The following PLXNA2 variants were observed in gnomAD, a reference collection of about 807,000 sequenced individuals.
PLXNA2 encodes the protein plexin A2.
In PLXNA2, 91 loss-of-function variants were observed where a neutral mutation model predicts 193.5. The ratio of observed to expected loss-of-function variants is 0.47; its 90% CI spans 0.40 to 0.56. The LOEUF (loss-of-function observed/expected upper bound fraction) is 0.56. Ranked by LOEUF, PLXNA2 falls within the 20% of genes least tolerant of loss-of-function variation. The pLI, the probability that PLXNA2 is intolerant of heterozygous loss-of-function variation, is 0.00. For synonymous variants in PLXNA2, 997 were observed against 1,027.3 expected (o/e 0.97, Z 0.56); for missense variants, 1,995 against 2,503.2 (o/e 0.80, Z 4.33).
At chr1:208,097,004 G>A in intron 6 of PLXNA2, 121 bp from the exon 7 acceptor site, 4 of 824,416 alleles carry the variant, frequency 4.9e-6, no homozygotes, top group Admixed American at 2.9e-5. Context: ...ATAAAAGAAG[G>A]ATGTTGGTCT....
At chr1:208,189,982 A>G (rs1306207788) in intron 3 of PLXNA2, among the ~76,000 whole-genome samples, 1 of 152,210 alleles carries the variant, frequency 6.6e-6, no homozygotes, top group Non-Finnish European at 1.5e-5. Flanking sequence ...TGTATGTGTA[A>G]GATGAGAAAC....
At chr1:208,031,109 C>T (rs1664488664) in intron 29 of PLXNA2, 1 of 999,582 alleles carries the variant, frequency 1.0e-6, no homozygotes, top group Non-Finnish European at 1.2e-6. Context: ...TGAACTCCCT[C>T]TCCGGTGCTG....
intron 4 of PLXNA2, among the ~76,000 whole-genome samples, chr1:208,134,387 A>G (rs991072362): frequency 1.3e-5 from 2 of 152,080 alleles, no homozygotes; most frequent in African/African-American, 4.8e-5. Context: ...CAGCCCCGGG[A>G]GGTGGGAGGC....
At chr1:208,066,069 G>A (rs1307945521) in intron 12 of PLXNA2, among the ~76,000 whole-genome samples, 1 of 152,032 alleles carries the variant, frequency 6.6e-6, no homozygotes, top group Non-Finnish European at 1.5e-5. Context: ...TGTGTGTGGT[G>A]GGGATGTGGA....
In PLXNA2 at chr1:208,217,335, C is replaced by G; in HGVS notation, c.588G>C (p.Pro196=). ...TAVDGKQDYF[P]TLSSRKLPRD... ...GGGGCAGCTTCCGGCTGGACAGGGTCGGGAAGTAATCCTGCTTCCCATCCA... is the reference window on the plus strand; with the variant it reads ...GGGGCAGCTTCCGGCTGGACAGGGTGGGGAAGTAATCCTGCTTCCCATCCA... The change falls in exon 2 of 32, where the codon CCG becomes CCC. Residue 196 remains proline (P), a synonymous_variant. Coordinates refer to ENST00000367033, the MANE Select transcript of PLXNA2 (RefSeq NM_025179.4). The surrounding 1 kb of genome is among the most constrained non-coding windows in gnomAD (Gnocchi z 4.7). The G allele has an allele frequency of 6.2e-7, 1 of 1,614,122 alleles. No individual in the cohort carries two copies. The highest frequency in any genetic ancestry group is 8.5e-7 in the Non-Finnish European group (1 of 1,180,018).
At chr1:208,085,125 C>T (rs932044743) in intron 9 of PLXNA2, among the ~76,000 whole-genome samples, 5 of 150,968 alleles carry the variant, frequency 3.3e-5, no homozygotes, top group Non-Finnish European at 5.9e-5. Flanking sequence ...CCAGGCCCTG[C>T]GTGAATGCCA....
chr1:208,146,379 G>T (rs2102490300), intron 3 of PLXNA2, among the ~76,000 whole-genome samples: 1 of 152,320 alleles, frequency 6.6e-6, no homozygotes, highest in South Asian at 2.1e-4. Flanking sequence ...AAAATTACTG[G>T]AGCTAATCTT....
intron 1 of PLXNA2, among the ~76,000 whole-genome samples, chr1:208,235,637 A>G (rs1387031246): frequency 1.3e-5 from 2 of 152,186 alleles, no homozygotes; most frequent in Non-Finnish European, 2.9e-5. Context: ...AGAAATCTTT[A>G]GGAAGTGGGA....
intron 4 of PLXNA2, among the ~76,000 whole-genome samples, chr1:208,112,377 A>G (rs1356463592): frequency 1.3e-5 from 2 of 152,232 alleles, no homozygotes; most frequent in African/African-American, 4.8e-5. Context: ...TGTGCTTATC[A>G]GCTGTATGAC....
rs182865073 is a variant in PLXNA2, at chr1:208,131,923, C to T, written c.1506+10406G>A. Among the ~76,000 whole-genome samples, 121 of 152,248 alleles carry T rather than the reference C, an allele frequency of 7.9e-4. 2 individuals carry two copies. The highest frequency in any genetic ancestry group is 7.0e-3 in the Admixed American group (107 of 15,294). ...ACTCCCGGCTATGCCTCCTAAAAGT[C>T]ATAGACACACCTAGCTCAGATCCCT... is the stretch of plus-strand genomic sequence containing the variant. On this transcript the variant is annotated intron_variant, in intron 4 of 31. Transcript: ENST00000367033.
At chr1:208,096,559 T>C (rs1349742009) in intron 7 of PLXNA2, among the ~76,000 whole-genome samples, 171 bp downstream of exon 7, 1 of 152,218 alleles carries the variant, frequency 6.6e-6, no homozygotes, top group Non-Finnish European at 1.5e-5. Context: ...AGTGTTTTCT[T>C]TCCTGAAATT....
At chr1:208,139,569 A>C (rs2102479881) in intron 4 of PLXNA2, among the ~76,000 whole-genome samples, 1 of 152,330 alleles carries the variant, frequency 6.6e-6, no homozygotes, top group East Asian at 1.9e-4. Flanking sequence ...ATTCAGATAG[A>C]GAATGGTGAA....
chr1:208,168,265 G>GT (rs1046410923), intron 3 of PLXNA2, among the ~76,000 whole-genome samples: 1 of 152,200 alleles, frequency 6.6e-6, no homozygotes, highest in African/African-American at 2.4e-5. Context: ...TGGATAGCGA[G>GT]TAGAGGTATT....
Position 208,241,581 on chromosome 1 carries a change from G to T in PLXNA2, c.-81+2062C>A, listed in dbSNP as rs150283093. Among the ~76,000 whole-genome samples, 7 of 152,364 alleles carry T rather than the reference G, an allele frequency of 4.6e-5. No homozygotes were observed. The East Asian group carries it at 1.3e-3, about 29-fold the overall frequency. On this transcript the variant is annotated intron_variant, in intron 1 of 31. Transcript: ENST00000367033. The stretch of plus-strand genomic sequence containing the variant: ...GGCAGACTCATGGTCCCTGGATAGA[G>T]ATCTCCTGGTACTTTACCACTGCTG...
chr1:208,125,408 T>C (rs759061442), intron 4 of PLXNA2, among the ~76,000 whole-genome samples: 3 of 152,148 alleles, frequency 2.0e-5, no homozygotes, highest in Non-Finnish European at 4.4e-5. Flanking sequence ...CTGGTTAGAT[T>C]TACCCAGCCC....
intron 3 of PLXNA2, among the ~76,000 whole-genome samples, chr1:208,178,535 T>C (rs1038437565): frequency 4.0e-5 from 6 of 151,706 alleles, no homozygotes; most frequent in Admixed American, 3.9e-4. Flanking sequence ...GGGGCGGGGG[T>C]GTTGCCTGCC....
chr1:208,119,250 G>A (rs1457646559), intron 4 of PLXNA2, among the ~76,000 whole-genome samples: 2 of 152,190 alleles, frequency 1.3e-5, no homozygotes, highest in Non-Finnish European at 2.9e-5. Context: ...AGGTCTCCAG[G>A]AAGAAGTGGC....
chr1:208,071,877 C>A (rs1571884379), intron 12 of PLXNA2, among the ~76,000 whole-genome samples: 2 of 152,218 alleles, frequency 1.3e-5, no homozygotes, highest in East Asian at 1.9e-4. Context: ...TGGTCCTGGG[C>A]AGGTGGCTTT....
At chr1:208,170,564 G>A (rs1339533187) in intron 3 of PLXNA2, among the ~76,000 whole-genome samples, 2 of 152,208 alleles carry the variant, frequency 1.3e-5, no homozygotes, top group African/African-American at 4.8e-5. Context: ...CTGTCTGTGG[G>A]CATGTTCATA....
Sources: gnomAD v4.1 joint callset for allele counts (sites outside exome capture counted in the v4.1 genomes callset) on GRCh38, gnomAD v4.1.1 for gene constraint, Gnocchi (gnomAD v3.1) non-coding constraint, MANE v1.5 for transcripts, NCBI Gene and HGNC (gene_info 2026-07-23, HGNC 2026-07-21) for gene names.